The following SLC2A11 variants were observed in gnomAD, a reference collection of about 807,000 sequenced individuals.
SLC2A11 encodes the protein solute carrier family 2 member 11.
Under a neutral mutation model 52.1 loss-of-function variants are expected in SLC2A11, and 43 were observed. That is an observed-to-expected ratio of 0.82 (90% CI 0.65 to 1.06). The LOEUF is 1.06. SLC2A11 is among the 50% of genes least tolerant of loss of function. The pLI, the probability that SLC2A11 is intolerant of heterozygous loss-of-function variation, is 0.00. For missense variants in SLC2A11, 582 were observed against 654.2 expected, an observed-to-expected ratio of 0.89 and a Z score of 1.20; for synonymous variants, 261 against 277.6, an observed-to-expected ratio of 0.94 and a Z score of 0.59.
At chr22:23,874,582 TG>T (rs1258783829) in intron 3 of SLC2A11, among the ~76,000 whole-genome samples, 1 of 152,046 alleles carries the variant, frequency 6.6e-6, no homozygotes, top group African/African-American at 2.4e-5. Flanking sequence ...CTCGAGTAGC[TG>T]GGATTACAGG....
intron 1 of SLC2A11, among the ~76,000 whole-genome samples, chr22:23,859,107 C>T (rs2031962175): frequency 6.6e-6 from 1 of 152,208 alleles, no homozygotes; most frequent in South Asian, 2.1e-4. Context: ...TACATGAGCT[C>T]AGCTGCCATC....
At chr22:23,882,947 A>C in intron 8 of SLC2A11, 78 bp downstream of exon 8, 2 of 1,289,858 alleles carry the variant, frequency 1.6e-6, no homozygotes, top group Non-Finnish European at 2.2e-6. Flanking sequence ...ACCAGTTTAC[A>C]CTCCAGCTTA....
chr22:23,864,485 AT>A (rs1331285378), intron 2 of SLC2A11, among the ~76,000 whole-genome samples: 1 of 151,886 alleles, frequency 6.6e-6, no homozygotes, highest in Non-Finnish European at 1.5e-5. Context: ...CGCCTGGCTA[AT>A]TTTTTGTATT....
intron 2 of SLC2A11, chr22:23,867,766 T>C: frequency 2.1e-6 from 1 of 470,226 alleles, no homozygotes; most frequent in Non-Finnish European, 4.4e-6. Flanking sequence ...ATGAACACAT[T>C]GAGGTGCTGG....
chr22:23,880,798 G>A (rs950951530), intron 6 of SLC2A11: 3 of 151,924 alleles, frequency 2.0e-5, no homozygotes, highest in African/African-American at 4.8e-5. Context: ...TCTGAATTCT[G>A]CTTGCAAACT....
At chr22:23,878,827 C>T (rs985234778) in intron 6 of SLC2A11, among the ~76,000 whole-genome samples, 3 of 152,214 alleles carry the variant, frequency 2.0e-5, no homozygotes, top group Non-Finnish European at 2.9e-5. Flanking sequence ...CCAGATCTTA[C>T]GCCACATTAA....
At chr22:23,877,434 G>A in intron 5 of SLC2A11, 1 of 779,790 alleles carries the variant, frequency 1.3e-6, no homozygotes. Flanking sequence ...GAAGATTTGG[G>A]CTTTCAAAGA....
rs73400507 is a variant in SLC2A11 at position 23,878,581 on chromosome 22, C to T, written c.694+712C>T. Reference sequence around the variant, plus strand: ...GCCATTAACATTCCATTGGCCAAAGCGAGTCAGTCATACTGCCAAATCCCA... The same window carrying T: ...GCCATTAACATTCCATTGGCCAAAGTGAGTCAGTCATACTGCCAAATCCCA... On this transcript the variant is annotated intron_variant, in intron 6 of 11. Coordinates refer to ENST00000316185, the MANE Select transcript of SLC2A11 (RefSeq NM_001024939.4). Among the ~76,000 whole-genome samples, 1,097 of 152,262 alleles carry T rather than the reference C, an allele frequency of 7.2e-3. 16 individuals are homozygous for T. Among genetic ancestry groups the T allele is most frequent in the African/African-American group, 0.024 (998 of 41,526 alleles).
intron 2 of SLC2A11, 136 bp from the exon 3 acceptor site, chr22:23,868,345 G>A (rs2032335263): frequency 2.8e-6 from 3 of 1,055,760 alleles, no homozygotes; most frequent in Non-Finnish European, 4.1e-6. Context: ...TGCTCCAGGG[G>A]GAGCTCAGAA....
At chr22:23,857,180 A>G, upstream of SLC2A11, 1 of 865,162 alleles carries the variant, frequency 1.2e-6, no homozygotes, top group South Asian at 1.7e-5. Context: ...GGCGGCCGGC[A>G]GTGGCGACCG....
chr22:23,873,845 G>A (rs569776989), intron 3 of SLC2A11, among the ~76,000 whole-genome samples: 42 of 152,290 alleles, frequency 2.8e-4, no homozygotes, highest in African/African-American at 9.9e-4. Flanking sequence ...ATAATCTACT[G>A]TCATTTTTCA....
At chr22:23,871,399 A>C (rs1189830253) in intron 3 of SLC2A11, 2 of 130,566 alleles carry the variant, frequency 1.5e-5, no homozygotes, top group Non-Finnish European at 1.6e-5. Flanking sequence ...CAAGAGTGAG[A>C]CTCCATCTCA....
chr22:23,857,819 A>G, upstream of SLC2A11: 2 of 1,470,612 alleles, frequency 1.4e-6, no homozygotes, highest in Middle Eastern at 2.5e-4. Context: ...CTTGCGCTAC[A>G]GCTTCGTCTC....
At chr22:23,866,879 A>G (rs1473611396) in intron 2 of SLC2A11, 2 of 151,432 alleles carry the variant, frequency 1.3e-5, no homozygotes, top group Non-Finnish European at 3.0e-5. Context: ...TGACCAGTGG[A>G]TGGAGAGATT....
chr22:23,882,817 AGT>A lies in SLC2A11; in HGVS notation c.942_943del (p.Tyr315ArgfsTer16). On this transcript the variant is annotated frameshift_variant, in exon 8 of 12. Coordinates refer to ENST00000316185, the MANE Select transcript of SLC2A11 (RefSeq NM_001024939.4). LOFTEE classifies it high-confidence loss of function. ...GCAGGAGTGCCGGAAGCGAAGATCC[AGT>A]ACGCGATCATCGGGACTGGGAGCTG... is the stretch of plus-strand genomic sequence containing the variant. 1 of 1,613,934 alleles carries A rather than the reference AGT, an allele frequency of 6.2e-7. No homozygotes were observed. The highest frequency in any genetic ancestry group is 8.5e-7 in the Non-Finnish European group (1 of 1,179,928).
In SLC2A11 at chr22:23,884,727, C is replaced by T. The variant is rs2032944270; in HGVS notation, c.1378C>T (p.Pro460Ser). ...GGCCATCTACACTGGCCTGTTCCTT[C>T]CTGAGACCAAAGGCAAGACCTTCCA... ...CGAIYTGLFL[P>S]ETKGKTFQEI... is the part of the protein sequence containing the mutation. Residue 460 changes from proline to serine, a missense_variant, in exon 12 of 12, where the codon CCT (proline) becomes TCT (serine). Physicochemically the swap from Pro to Ser is moderately conservative, Grantham distance 74 (BLOSUM62 -1). Transcript: ENST00000316185. The surrounding 1 kb of genome is among the most constrained non-coding windows in gnomAD (Gnocchi z 4.3). 1 of 1,614,068 alleles carries T rather than the reference C, an allele frequency of 6.2e-7. No individual in the cohort carries two copies. Among genetic ancestry groups the T allele is most frequent in the Non-Finnish European group, 8.5e-7 (1 of 1,180,036 alleles).
intron 9 of SLC2A11, 37 bp from the exon 10 acceptor site, chr22:23,883,912 G>A: frequency 6.2e-7 from 1 of 1,610,380 alleles, no homozygotes. Flanking sequence ...TCCAGGCCGG[G>A]CTGACTTCCA....
rs34096096 is a variant in SLC2A11, at chr22:23,884,397, A to T, written c.1267A>T (p.Ile423Phe). 3.3e-3 allele frequency: 5,332 copies of T among 1,613,848 alleles called. 123 individuals are homozygous for T. In the African/African-American group the frequency reaches 0.052, roughly 16 times the overall value. ...CGGGGCGCTCATGTGGATCATGCTC[A>T]TCCTGGTCGGCCTGGGATTTCCCTT... is the stretch of plus-strand genomic sequence containing the variant. ...VCGALMWIML[I>F]LVGLGFPFIM... The change falls in exon 11 of 12, where the codon ATC (isoleucine) becomes TTC (phenylalanine). Residue 423 changes from isoleucine (I) to phenylalanine (F), a missense_variant. Physicochemically the swap from Ile to Phe is conservative, Grantham distance 21. Transcript: ENST00000316185. This position sits in a 1 kb window ranked among gnomAD's most constrained non-coding sequence, Gnocchi z 4.3.
chr22:23,857,632 A>AC (rs763969482), upstream of SLC2A11: 65 of 914,026 alleles, frequency 7.1e-5, no homozygotes, highest in East Asian at 1.1e-3. Context: ...ACTCCCCAGC[A>AC]CCCCCAGCCC....
Sources: gnomAD v4.1 joint callset for allele counts (sites outside exome capture counted in the v4.1 genomes callset) on GRCh38, gnomAD v4.1.1 for gene constraint, Gnocchi (gnomAD v3.1) non-coding constraint, MANE v1.5 for transcripts, NCBI Gene and HGNC (gene_info 2026-07-23, HGNC 2026-07-21) for gene names.